The following TMEM132D variants were observed in gnomAD, a reference collection of about 807,000 sequenced individuals.
TMEM132D encodes mature OL transmembrane protein.
TMEM132D carries 21 observed loss-of-function variants against 62.3 expected under a neutral mutation model. That is an observed-to-expected ratio of 0.34 (90% confidence interval 0.24 to 0.49). The LOEUF (loss-of-function observed/expected upper bound fraction) is 0.49. Among genes scored for constraint, TMEM132D ranks in the 20% least tolerant of loss-of-function variants. The probability of loss-of-function intolerance (pLI) is 0.99; values close to 1 mark genes in which losing one functional copy is unlikely to be tolerated. For synonymous variants in TMEM132D, 621 were observed against 575.6 expected (o/e 1.08, Z -1.13); for missense variants, 1,346 against 1,402.8 (o/e 0.96, Z 0.65).
rs867311207 is a variant in TMEM132D at position 129,089,419 on chromosome 12, C to T, written c.1444-4717G>A. 2.3e-4 allele frequency among the ~76,000 whole-genome samples: 16 copies of T among 69,404 alleles called. 2 individuals are homozygous for T. The highest frequency in any genetic ancestry group is 5.3e-4 in the South Asian group (1 of 1,892). The allele number at this position is 69,404 out of a possible 152,430, so 45.5% of individuals were successfully genotyped here. A position where few individuals can be genotyped will look rare whatever the true frequency, so the allele number is the denominator to read the frequency against. ...TGTCCTCCCTGACCGGGATGTCCTC[C>T]ATGACCGGGGTGTCCTCCATGACCG... On this transcript the variant is annotated intron_variant, in intron 5 of 8. Transcript: ENST00000422113.
intron 2 of TMEM132D, among the ~76,000 whole-genome samples, chr12:129,617,135 T>G (rs1020198226): frequency 6.6e-6 from 1 of 152,220 alleles, no homozygotes; most frequent in Non-Finnish European, 1.5e-5. Flanking sequence ...ACAAAGAATT[T>G]TCTGAATCCC....
At chr12:129,834,901 A>G (rs1292497361) in intron 1 of TMEM132D, among the ~76,000 whole-genome samples, 1 of 152,200 alleles carries the variant, frequency 6.6e-6, no homozygotes, top group East Asian at 1.9e-4. Context: ...AGAACTGATA[A>G]AGATGGTAAA....
At chr12:129,821,859 G>A (rs903708439) in intron 1 of TMEM132D, among the ~76,000 whole-genome samples, 1 of 152,198 alleles carries the variant, frequency 6.6e-6, no homozygotes, top group Non-Finnish European at 1.5e-5. Flanking sequence ...AGGGAGTCAT[G>A]AAGCCTGCTG....
At chr12:129,421,640 A>C (rs1216014277) in intron 3 of TMEM132D, among the ~76,000 whole-genome samples, 1 of 152,240 alleles carries the variant, frequency 6.6e-6, no homozygotes, top group East Asian at 1.9e-4. Context: ...CTGATGTCCT[A>C]ATGTTGACTT....
chr12:129,302,684 T>C (rs1469593887), intron 4 of TMEM132D, among the ~76,000 whole-genome samples: 1 of 152,220 alleles, frequency 6.6e-6, no homozygotes, highest in Non-Finnish European at 1.5e-5. Context: ...TTTCTCATAA[T>C]CATGGCAGAA....
At chr12:129,533,435 G>C (rs1351934898) in intron 2 of TMEM132D, among the ~76,000 whole-genome samples, 1 of 152,232 alleles carries the variant, frequency 6.6e-6, no homozygotes, top group Non-Finnish European at 1.5e-5. Flanking sequence ...TCTAAAGGCT[G>C]TCCCAATTAC....
intron 1 of TMEM132D, among the ~76,000 whole-genome samples, chr12:129,729,936 G>A (rs1869169771): frequency 6.6e-6 from 1 of 152,066 alleles, no homozygotes. Flanking sequence ...CCCTGCCCTT[G>A]TGAATGTACT....
chr12:129,689,414 C>A lies in TMEM132D; in HGVS notation c.968+10396G>T, dbSNP rs964786810. Among the ~76,000 whole-genome samples the A allele has an allele frequency of 2.0e-5, 3 of 150,940 alleles. No homozygotes were observed. In the Admixed American group the frequency reaches 2.0e-4, roughly 10 times the overall value. Reference sequence around the variant, plus strand: ...AAGTTCTCAGAAGAAAATGTAGATTCTCTCAGCCTAGAATTGGCTTCCCTG... The same window carrying A: ...AAGTTCTCAGAAGAAAATGTAGATTATCTCAGCCTAGAATTGGCTTCCCTG... On this transcript the variant is annotated intron_variant, in intron 2 of 8. Coordinates refer to ENST00000422113, the MANE Select transcript of TMEM132D (RefSeq NM_133448.3).
At chr12:129,079,032 G>A (rs1574100) in intron 7 of TMEM132D, among the ~76,000 whole-genome samples, 21,425 of 152,186 alleles carry the variant, frequency 0.14, 1,845 homozygotes, top group South Asian at 0.2. Context: ...AGGAACTGAC[G>A]TTTTCATTCG....
intron 3 of TMEM132D, among the ~76,000 whole-genome samples, chr12:129,524,870 C>G (rs1196703894): frequency 6.7e-6 from 1 of 148,980 alleles, no homozygotes; most frequent in Non-Finnish European, 1.5e-5. Flanking sequence ...AAAGAGTTCT[C>G]TGTTGTCCCT....
intron 3 of TMEM132D, among the ~76,000 whole-genome samples, chr12:129,481,390 G>T (rs1029259740): frequency 9.3e-5 from 14 of 151,282 alleles, no homozygotes; most frequent in South Asian, 2.1e-4. Flanking sequence ...TTGAGCCTGG[G>T]AGGTTGAGGA....
chr12:129,281,317 A>G (rs1179721583), intron 4 of TMEM132D, among the ~76,000 whole-genome samples: 1 of 152,014 alleles, frequency 6.6e-6, no homozygotes, highest in Non-Finnish European at 1.5e-5. Context: ...TGTAACCTCC[A>G]TCTGGTCAGG....
intron 2 of TMEM132D, among the ~76,000 whole-genome samples, chr12:129,600,914 G>A (rs553817161): frequency 6.6e-6 from 1 of 152,218 alleles, no homozygotes; most frequent in South Asian, 2.1e-4. Context: ...AATGCGTGTT[G>A]GCTTCAACTT....
At chr12:129,539,694 G>A (rs1298892878) in intron 2 of TMEM132D, among the ~76,000 whole-genome samples, 1 of 151,896 alleles carries the variant, frequency 6.6e-6, no homozygotes, top group Non-Finnish European at 1.5e-5. Context: ...TTACAGGCGT[G>A]AGCTACCACG....
At chr12:129,862,415 G>A (rs969478825) in intron 1 of TMEM132D, among the ~76,000 whole-genome samples, 4 of 152,212 alleles carry the variant, frequency 2.6e-5, no homozygotes, top group African/African-American at 4.8e-5. Flanking sequence ...AGGGGGCTGT[G>A]TGTTTGCTGA....
At chr12:129,153,636 T>C (rs1383315367) in intron 5 of TMEM132D, among the ~76,000 whole-genome samples, 1 of 152,010 alleles carries the variant, frequency 6.6e-6, no homozygotes, top group Non-Finnish European at 1.5e-5. Flanking sequence ...ACCTCAAAAT[T>C]ATATAAGTGA....
At position 129,081,918 on chromosome 12, in the gene TMEM132D, G is replaced by A. The variant is rs764014585; in HGVS notation, c.1764C>T (p.Ala588=). 1.9e-5 allele frequency: 30 copies of A among 1,613,930 alleles called. No individual in the cohort carries two copies. The highest frequency in any genetic ancestry group is 1.6e-4 in the Middle Eastern group (1 of 6,084). Residue 588 remains alanine, a synonymous_variant, in exon 7 of 9, where the codon GCC becomes GCT. Coordinates refer to ENST00000422113, the MANE Select transcript of TMEM132D (RefSeq NM_133448.3). ...RVLTQFVAEA[A]GPGGHLAHLL... Reference sequence around the variant, plus strand: ...GGTGGGCCAGGTGTCCCCCAGGGCCGGCCGCCTCAGCCACAAACTGCGTCA... The same window carrying A: ...GGTGGGCCAGGTGTCCCCCAGGGCCAGCCGCCTCAGCCACAAACTGCGTCA...
At position 129,425,327 on chromosome 12, in the gene TMEM132D, G is replaced by C. The variant is rs557592038; in HGVS notation, c.1116-87510C>G. Among the ~76,000 whole-genome samples, 52 of 151,886 alleles carry C rather than the reference G, an allele frequency of 3.4e-4. 1 individual carries two copies. The South Asian group carries it at 0.011, about 31-fold the overall frequency. ...GTATTTAATGTTTTAAGAAACTGAGGAAGCTTCCCAAAGTTGCTGCACTAT... is the reference window on the plus strand; with the variant it reads ...GTATTTAATGTTTTAAGAAACTGAGCAAGCTTCCCAAAGTTGCTGCACTAT... On this transcript the variant is annotated intron_variant, in intron 3 of 8. Transcript: ENST00000422113.
At chr12:129,513,744 C>G (rs541137549) in intron 3 of TMEM132D, among the ~76,000 whole-genome samples, 1 of 151,506 alleles carries the variant, frequency 6.6e-6, no homozygotes, top group Non-Finnish European at 1.5e-5. Flanking sequence ...CTCAGCCTCT[C>G]AAAGTGCTGG....
Sources: allele counts gnomAD v4.1 joint callset (sites outside exome capture counted in the v4.1 genomes callset), GRCh38; gene constraint gnomAD v4.1.1; transcripts MANE v1.5; gene names NCBI Gene and HGNC (gene_info 2026-07-23, HGNC 2026-07-21).